TPRG1: variants seen among roughly 807,000 people sequenced by gnomAD.
The protein encoded by TPRG1 is tumor protein p63-regulated gene 1 protein.
A neutral mutation model predicts 29.3 loss-of-function variants in TPRG1; 29 were observed. The ratio of observed to expected loss-of-function variants is 0.99; its 90% CI spans 0.74 to 1.35. The LOEUF (loss-of-function observed/expected upper bound fraction) is 1.35. Among genes scored for constraint, TPRG1 ranks in the 40% most tolerant of loss-of-function variants. TPRG1 has a pLI of 0.00. For synonymous variants in TPRG1, 130 were observed against 116.8 expected, an observed-to-expected ratio of 1.11 and a Z score of -0.73; for missense variants, 327 against 335.0, an observed-to-expected ratio of 0.98 and a Z score of 0.19.
At chr3:189,296,694 T>A (rs1201115131) in intron 4 of TPRG1, among the ~76,000 whole-genome samples, 2 of 152,228 alleles carry the variant, frequency 1.3e-5, no homozygotes, top group African/African-American at 4.8e-5. Context: ...GAAGCAACTT[T>A]GACCTTGTCA....
At chr3:189,299,066 TTTC>T (rs1001638748) in intron 4 of TPRG1, among the ~76,000 whole-genome samples, 10 of 45,864 alleles carry the variant, frequency 2.2e-4, no homozygotes, top group Non-Finnish European at 3.7e-4. Flanking sequence ...GTTTTTTTTT[TTTC>T]TGAGAATTTT....
intron 1 of TPRG1, among the ~76,000 whole-genome samples, chr3:189,191,163 TTTA>T (rs1319815882): frequency 6.6e-6 from 1 of 152,220 alleles, no homozygotes; most frequent in Non-Finnish European, 1.5e-5. Context: ...TGCACATATC[TTTA>T]TTGTTTTGTT....
In TPRG1 at chr3:189,305,551, C is replaced by T. The variant is rs1052750600; in HGVS notation, c.480-4835C>T. Among the ~76,000 whole-genome samples, 7 of 152,098 alleles carry T rather than the reference C, an allele frequency of 4.6e-5. No homozygotes were observed. In the South Asian group the frequency reaches 1.4e-3, roughly 31 times the overall value. On this transcript the variant is annotated intron_variant, in intron 4 of 5. Transcript: ENST00000345063. ...CTTTGCTTTTTTTGTGTGTAGAAAGCAAAACTTCTATTGGTCTGCTATGAT... is the reference window on the plus strand; with the variant it reads ...CTTTGCTTTTTTTGTGTGTAGAAAGTAAAACTTCTATTGGTCTGCTATGAT...
intron 1 of TPRG1, among the ~76,000 whole-genome samples, chr3:189,192,251 T>G (rs1208512742): frequency 2.0e-5 from 3 of 152,242 alleles, no homozygotes; most frequent in African/African-American, 7.2e-5. Flanking sequence ...AGTTTCATAA[T>G]ACCTGAAGAG....
intron 4 of TPRG1, among the ~76,000 whole-genome samples, chr3:189,275,352 A>G (rs938427219): frequency 1.3e-5 from 2 of 152,220 alleles, no homozygotes; most frequent in African/African-American, 4.8e-5. Flanking sequence ...TAGCAAGGAT[A>G]AGTCAAGTAT....
chr3:189,003,884 G>T (rs768840300), intron 2 of TPRG1, among the ~76,000 whole-genome samples: 2 of 151,982 alleles, frequency 1.3e-5, no homozygotes, highest in Non-Finnish European at 2.9e-5. Context: ...TGTATACTTA[G>T]ATCTTGCAAT....
rs560151165 is a variant in TPRG1, at chr3:189,026,802, T to A, written c.-463+2856T>A. On this transcript the variant is annotated intron_variant, in intron 4 of 10. Transcript: ENST00000433971. ...TGGAACGAAGCTGTGCTATAGACAG[T>A]CACATTGGCGAAGGATGGATTGAAA... Among the ~76,000 whole-genome samples, 159 of 152,136 alleles carry A rather than the reference T, an allele frequency of 1.0e-3. 1 individual carries two copies. Among genetic ancestry groups the A allele is most frequent in the Non-Finnish European group, 1.2e-3 (83 of 68,000 alleles).
chr3:189,212,123 C>G (rs951659732), intron 2 of TPRG1: 1 of 152,020 alleles, frequency 6.6e-6, no homozygotes, highest in Non-Finnish European at 1.5e-5. Context: ...TTTGCAGATA[C>G]CTTATCAGAA....
chr3:189,287,143 G>A (rs550659238), intron 4 of TPRG1, among the ~76,000 whole-genome samples: 52 of 152,118 alleles, frequency 3.4e-4, no homozygotes, highest in African/African-American at 1.1e-3. Context: ...GCACTGCACC[G>A]TGTAGCCTCA....
intron 3 of TPRG1, among the ~76,000 whole-genome samples, chr3:189,227,876 C>T (rs1187630139): frequency 6.6e-6 from 1 of 152,182 alleles, no homozygotes; most frequent in Non-Finnish European, 1.5e-5. Context: ...AATCCCAGCA[C>T]TTTGAAAGGC....
chr3:189,185,243 TCTCA>T (rs901783775), intron 1 of TPRG1, among the ~76,000 whole-genome samples: 1 of 151,942 alleles, frequency 6.6e-6, no homozygotes, highest in African/African-American at 2.4e-5. Flanking sequence ...TGAGACCTGA[TCTCA>T]CTCAGTTACC....
intron 1 of TPRG1, among the ~76,000 whole-genome samples, chr3:189,108,097 C>T (rs1278316031): frequency 6.6e-6 from 1 of 152,116 alleles, no homozygotes; most frequent in Non-Finnish European, 1.5e-5. Flanking sequence ...AGGGATAAAC[C>T]AGGTTGGTTG....
At chr3:189,126,138 G>A (rs928126259) in intron 1 of TPRG1, among the ~76,000 whole-genome samples, 1 of 152,044 alleles carries the variant, frequency 6.6e-6, no homozygotes, top group Non-Finnish European at 1.5e-5. Flanking sequence ...TTTGGTTTGG[G>A]GGATGATGCA....
chr3:189,116,474 G>C (rs552623964), intron 1 of TPRG1, among the ~76,000 whole-genome samples: 15 of 152,312 alleles, frequency 9.8e-5, no homozygotes, highest in African/African-American at 3.6e-4. Context: ...ACCGCGCCCA[G>C]CTCGAAGAGA....
intron 5 of TPRG1, among the ~76,000 whole-genome samples, chr3:189,310,749 A>G (rs1035097672): frequency 6.6e-6 from 1 of 152,202 alleles, no homozygotes; most frequent in Non-Finnish European, 1.5e-5. Context: ...ATATGTAAAT[A>G]TACATTATAT....
chr3:189,138,388 C>T (rs1432515770), intron 3 of TPRG1, among the ~76,000 whole-genome samples: 2 of 152,142 alleles, frequency 1.3e-5, no homozygotes, highest in African/African-American at 2.4e-5. Context: ...GCTACATTAA[C>T]AACCAACCAA....
At chr3:189,022,216 T>C (rs1040474393) in intron 3 of TPRG1, among the ~76,000 whole-genome samples, 4 of 152,132 alleles carry the variant, frequency 2.6e-5, no homozygotes, top group Non-Finnish European at 5.9e-5. Flanking sequence ...TCGTCTGAAG[T>C]CTTCTTCTTT....
At chr3:189,015,048 C>T (rs1355789290) in intron 3 of TPRG1, among the ~76,000 whole-genome samples, 1 of 152,068 alleles carries the variant, frequency 6.6e-6, no homozygotes, top group Non-Finnish European at 1.5e-5. Flanking sequence ...TTTGGAACTT[C>T]CTTGAGATTT....
chr3:189,045,771 C>T (rs61119996), intron 4 of TPRG1, among the ~76,000 whole-genome samples: 67 of 152,104 alleles, frequency 4.4e-4, no homozygotes, highest in Non-Finnish European at 4.7e-4. Flanking sequence ...ATATTTAGAT[C>T]ACAGCAACAA....
Sources: allele counts gnomAD v4.1 joint callset (sites outside exome capture counted in the v4.1 genomes callset), GRCh38; gene constraint gnomAD v4.1.1; transcripts MANE v1.5; gene names NCBI Gene and HGNC (gene_info 2026-07-23, HGNC 2026-07-21).